Variants in CCDC187 observed in about 807,000 individuals in gnomAD.
The protein encoded by CCDC187 is coiled-coil domain-containing protein 187.
In CCDC187, 32 loss-of-function variants were observed where a neutral mutation model predicts 38.0. The observed-to-expected ratio is 0.84, with a 90% CI of 0.64 to 1.13. The LOEUF is 1.13. Ranked by LOEUF, CCDC187 falls within the 50% of genes most tolerant of loss-of-function variation. The probability of loss-of-function intolerance (pLI) is 0.00; values close to 1 mark genes in which losing one functional copy is unlikely to be tolerated. For synonymous variants in CCDC187, 333 were observed against 347.9 expected (o/e 0.96, Z 0.48); for missense variants, 707 against 786.8 (o/e 0.90, Z 1.21).
At chr9:136,298,993 C>T (rs906902322) in intron 3 of CCDC187, among the ~76,000 whole-genome samples, 50 of 152,268 alleles carry the variant, frequency 3.3e-4, no homozygotes, top group Admixed American at 2.5e-3. Context: ...TGCCAGGAGC[C>T]GGTGACTGAT....
chr9:136,254,147 G>A lies in CCDC187; in HGVS notation c.5681C>T (p.Thr1894Ile). 1.0e-6 allele frequency: 1 copy of A among 985,474 alleles called. No individual in the cohort carries two copies. The highest frequency in any genetic ancestry group is 1.2e-6 in the Non-Finnish European group (1 of 829,962). 61.0% of individuals were successfully genotyped at this position (985,474 alleles called of 1,614,324 possible). A position where few individuals can be genotyped will look rare whatever the true frequency, so the allele number is the denominator to read the frequency against. The change falls in exon 26 of 26, where the codon ACC becomes ATC. Residue 1894 changes from threonine (T) to isoleucine (I), a missense_variant. By Grantham distance (89) the Thr-to-Ile change is moderately conservative. Coordinates refer to ENST00000638797, the MANE Select transcript of CCDC187 (RefSeq NM_001378188.1). ...SDSLLVFPSW[T>I]SLSEGADFGK... ...GAAATCTGCCCCTTCACTCAAAGAG[G>A]TCCACGAAGGAAAGACCAGCAGTGA...
rs1830569334 is a variant in CCDC187 at position 136,253,132 on chromosome 9, G to A, written c.*462C>T. 6.6e-6 allele frequency: 1 copy of A among 152,262 alleles called. No individual in the cohort carries two copies. Among genetic ancestry groups the A allele is most frequent in the Admixed American group, 6.5e-5 (1 of 15,272 alleles). The allele number at this position is 152,262 out of a possible 1,614,324, so 9.4% of individuals were successfully genotyped here. On this transcript the variant is annotated 3_prime_UTR_variant, in exon 26 of 26. Transcript: ENST00000638797. ...TGGCCAAGCAGGCTCGGCTGCCCAG[G>A]GACCCTGCCGCAGGTGAGGCAGTGT...
chr9:136,265,235 C>T lies in CCDC187; in HGVS notation c.3735+721G>A, dbSNP rs782130147. On this transcript the variant is annotated intron_variant, in intron 17 of 25. Coordinates refer to ENST00000638797, the MANE Select transcript of CCDC187 (RefSeq NM_001378188.1). Reference sequence around the variant, plus strand: ...CTTGCCCCTCAGCCTTGCTCTCTGCCGCAGGCAAAGCCCTGACTCTGGCAG... The same window carrying T: ...CTTGCCCCTCAGCCTTGCTCTCTGCTGCAGGCAAAGCCCTGACTCTGGCAG... Among the ~76,000 whole-genome samples the T allele has an allele frequency of 8.5e-4, 129 of 152,338 alleles. 1 individual carries two copies. Among genetic ancestry groups the T allele is most frequent in the Middle Eastern group, 3.4e-3 (1 of 294 alleles).
At chr9:136,285,185 G>A (rs1013889128) in intron 9 of CCDC187, among the ~76,000 whole-genome samples, 9 of 152,096 alleles carry the variant, frequency 5.9e-5, no homozygotes, top group African/African-American at 9.7e-5. Flanking sequence ...AGGACCACCC[G>A]AGTCACTGTC....
chr9:136,299,246 C>T (rs1011705715), intron 3 of CCDC187, among the ~76,000 whole-genome samples: 1 of 152,144 alleles, frequency 6.6e-6, no homozygotes, highest in Admixed American at 6.5e-5. Context: ...GAGGGGCCAG[C>T]CCTGGACCCC....
chr9:136,268,989 G>A lies in CCDC187; in HGVS notation c.3443-864C>T, dbSNP rs72775726. Among the ~76,000 whole-genome samples the A allele has an allele frequency of 7.0e-3, 1,063 of 152,288 alleles. 6 individuals are homozygous for A. The highest frequency in any genetic ancestry group is 0.013 in the Non-Finnish European group (855 of 68,026). The stretch of plus-strand genomic sequence containing the variant: ...ACCAAGGCAGCTGGAGTTTGTGGGG[G>A]CAGAGTGTCAGAGAGGAGAGAGTCG... On this transcript the variant is annotated intron_variant, in intron 14 of 25. Coordinates refer to ENST00000638797, the MANE Select transcript of CCDC187 (RefSeq NM_001378188.1).
chr9:136,290,922 C>G lies in CCDC187; in HGVS notation c.1691G>C (p.Arg564Thr), dbSNP rs1258198436. 4 of 398,574 alleles carry G rather than the reference C, an allele frequency of 1.0e-5. No homozygotes were observed. The highest frequency in any genetic ancestry group is 1.8e-5 in the Non-Finnish European group (4 of 226,140). The allele number at this position is 398,574 out of a possible 1,614,324, so 24.7% of individuals were successfully genotyped here. The change falls in exon 6 of 26, where the codon AGG becomes ACG. Residue 564 changes from arginine (R) to threonine (T), a missense_variant. By Grantham distance (71) the Arg-to-Thr change is moderately conservative. Coordinates refer to ENST00000638797, the MANE Select transcript of CCDC187 (RefSeq NM_001378188.1). ...GGGCCGCTGGGCTGGAGGACTGGGCCTTTCCAGAGGGTTCCGCAGTCTGGG... is the reference window on the plus strand; with the variant it reads ...GGGCCGCTGGGCTGGAGGACTGGGCGTTTCCAGAGGGTTCCGCAGTCTGGG... ...PGPRLRNPLE[R>T]PSPPAQRPWS...
chr9:136,295,596 T>A (rs1299200657), intron 4 of CCDC187, among the ~76,000 whole-genome samples: 1 of 152,226 alleles, frequency 6.6e-6, no homozygotes, highest in Non-Finnish European at 1.5e-5. Context: ...GTGATTTAAT[T>A]TTTTGTTAAC....
chr9:136,272,150 C>G (rs1265588932), intron 14 of CCDC187, among the ~76,000 whole-genome samples: 1 of 152,068 alleles, frequency 6.6e-6, no homozygotes, highest in Non-Finnish European at 1.5e-5. Flanking sequence ...CAGACACGCA[C>G]CACCAGAAAT....
At chr9:136,293,243 TCA>T (rs1330294103) in intron 4 of CCDC187, among the ~76,000 whole-genome samples, 5 of 92,974 alleles carry the variant, frequency 5.4e-5, no homozygotes, top group South Asian at 3.3e-4. Context: ...ACGCTCACAC[TCA>T]CATGCTTACA....
Position 136,256,752 on chromosome 9 carries a change from G to T in CCDC187, c.4456C>A (p.Arg1486=), listed in dbSNP as rs147287195. 6.6e-6 allele frequency: 1 copy of T among 152,220 alleles called. No homozygotes were observed. The highest frequency in any genetic ancestry group is 1.5e-5 in the Non-Finnish European group (1 of 68,050). 9.4% of individuals were successfully genotyped at this position (152,220 alleles called of 1,614,324 possible). A position where few individuals can be genotyped will look rare whatever the true frequency, so the allele number is the denominator to read the frequency against. The change falls in exon 23 of 26, where the codon CGA becomes AGA. Residue 1486 remains arginine, a synonymous_variant. Transcript: ENST00000638797. The part of the protein sequence containing the change: ...SHVGSFRERS[R]RSCGREGPCG... ...GGACCTTCTCTGCCGCAGGAGCGTC[G>T]GCTGCGTTCCCTGAAGCTCCCCACA... is the stretch of plus-strand genomic sequence containing the variant.
intron 14 of CCDC187, among the ~76,000 whole-genome samples, chr9:136,273,661 T>C (rs1588657926): frequency 6.6e-6 from 1 of 152,344 alleles, no homozygotes; most frequent in Middle Eastern, 3.4e-3. Context: ...ACCAACTTGA[T>C]CTAAGTGTTA....
At chr9:136,306,327 A>G (rs1298510553), upstream of CCDC187, among the ~76,000 whole-genome samples, 4 of 151,722 alleles carry the variant, frequency 2.6e-5, no homozygotes, top group Admixed American at 6.6e-5. Flanking sequence ...TCTCCACTCC[A>G]CCCACCATGC....
intron 10 of CCDC187, among the ~76,000 whole-genome samples, chr9:136,278,066 C>T (rs1270451233): frequency 6.6e-6 from 1 of 152,206 alleles, no homozygotes; most frequent in Non-Finnish European, 1.5e-5. Flanking sequence ...CCCGTGGCCC[C>T]CATCTAACTG....
rs1830596780 is a variant in CCDC187, at chr9:136,255,147, G to A, written c.4694-13C>T. 1.3e-5 allele frequency: 13 copies of A among 984,378 alleles called. No homozygotes were observed. Among genetic ancestry groups the A allele is most frequent in the African/African-American group, 3.5e-5 (2 of 57,200 alleles). The allele number at this position is 984,378 out of a possible 1,614,324, so 61.0% of individuals were successfully genotyped here. A position where few individuals can be genotyped will look rare whatever the true frequency, so the allele number is the denominator to read the frequency against. On this transcript the variant is annotated splice_polypyrimidine_tract_variant and intron_variant, in intron 25 of 25. Transcript: ENST00000638797. ...ACCACAGGAGCTGCTAAGAGAGGGG[G>A]CAATCAACAGTGGTCACCCTCTGCA... is the stretch of plus-strand genomic sequence containing the variant.
At chr9:136,298,480 C>T (rs922404243) in intron 3 of CCDC187, among the ~76,000 whole-genome samples, 37 of 152,222 alleles carry the variant, frequency 2.4e-4, no homozygotes, top group African/African-American at 3.6e-4. Context: ...TCCCTGCTTC[C>T]GACTTCCTTT....
At chr9:136,296,634 C>T (rs1831542418) in intron 4 of CCDC187, 1 of 152,324 alleles carries the variant, frequency 6.6e-6, no homozygotes, top group East Asian at 1.9e-4. Flanking sequence ...CGAAGACGCC[C>T]CAGAAGGAAG....
Position 136,258,367 on chromosome 9 carries a change from G to C in CCDC187, c.4366+565C>G, listed in dbSNP as rs1041295571. On this transcript the variant is annotated intron_variant, in intron 22 of 25. Transcript: ENST00000638797. This position sits in a 1 kb window ranked among gnomAD's most constrained non-coding sequence, Gnocchi z 4.3. ...CCCTGCTTCCGAGGATGGACACTGGGTGGGGGCCTTCTGAATTCGGCACCC... is the reference window on the plus strand; with the variant it reads ...CCCTGCTTCCGAGGATGGACACTGGCTGGGGGCCTTCTGAATTCGGCACCC... 6.6e-6 allele frequency among the ~76,000 whole-genome samples: 1 copy of C among 152,210 alleles called. No homozygotes were observed. The highest frequency in any genetic ancestry group is 1.5e-5 in the Non-Finnish European group (1 of 68,036).
At chr9:136,270,399 CA>C (rs35380081) in intron 14 of CCDC187, among the ~76,000 whole-genome samples, 46,707 of 152,096 alleles carry the variant, frequency 0.31, 8,266 homozygotes, top group Non-Finnish European at 0.4. Flanking sequence ...GATCATAGGA[CA>C]GGGGGCCCTT....
Sources: gnomAD v4.1 joint callset for allele counts (sites outside exome capture counted in the v4.1 genomes callset) on GRCh38, gnomAD v4.1.1 for gene constraint, Gnocchi (gnomAD v3.1) non-coding constraint, MANE v1.5 for transcripts, NCBI Gene and HGNC (gene_info 2026-07-23, HGNC 2026-07-21) for gene names.